The following PALM2AKAP2 variants were observed in gnomAD, a reference collection of about 807,000 sequenced individuals.
PALM2AKAP2 encodes PALM2-AKAP2 fusion protein.
Under a neutral mutation model 71.5 loss-of-function variants are expected in PALM2AKAP2, and 37 were observed. That is an observed-to-expected ratio of 0.52 (90% CI 0.40 to 0.68). The LOEUF (loss-of-function observed/expected upper bound fraction) is 0.68, where lower values mean the gene tolerates loss of function less well. Among genes scored for constraint, PALM2AKAP2 ranks in the 30% least tolerant of loss-of-function variants. The pLI is 0.00. For missense variants in PALM2AKAP2, 1,224 were observed against 1,191.8 expected, an observed-to-expected ratio of 1.03 and a Z score of -0.40; for synonymous variants, 468 against 478.8, an observed-to-expected ratio of 0.98 and a Z score of 0.29.
intron 1 of PALM2AKAP2, among the ~76,000 whole-genome samples, chr9:110,093,479 A>G (rs893880327): frequency 9.2e-5 from 14 of 152,224 alleles, no homozygotes; most frequent in Non-Finnish European, 1.8e-4. Context: ...CAATTGACCA[A>G]AAATTTAGCA....
chr9:109,874,408 C>T (rs947530223), intron 2 of PALM2AKAP2, among the ~76,000 whole-genome samples: 3 of 152,234 alleles, frequency 2.0e-5, no homozygotes, highest in African/African-American at 7.2e-5. Flanking sequence ...CCCAGATCTA[C>T]AGCTCACTCG....
At chr9:110,033,434 TC>T (rs1329642593) in intron 7 of PALM2AKAP2, among the ~76,000 whole-genome samples, 3 of 152,230 alleles carry the variant, frequency 2.0e-5, no homozygotes, top group Non-Finnish European at 2.9e-5. Flanking sequence ...CCTTTCTTTT[TC>T]CCAGTGTTTA....
chr9:110,145,335 C>G lies in PALM2AKAP2; in HGVS notation c.2569+6796C>G, dbSNP rs1836137621. 2.0e-5 allele frequency among the ~76,000 whole-genome samples: 3 copies of G among 152,148 alleles called. No homozygotes were observed. In the South Asian group the frequency reaches 6.2e-4, roughly 32 times the overall value. ...GGATAGCCAAGGGACTAACTTAGTC[C>G]ACATCAGCCATCTAGCCTAGCTGCT... On this transcript the variant is annotated intron_variant, in intron 2 of 3. Transcript: ENST00000374525.
intron 6 of PALM2AKAP2, among the ~76,000 whole-genome samples, chr9:110,003,578 A>G (rs1192415719): frequency 6.6e-6 from 1 of 151,998 alleles, no homozygotes; most frequent in African/African-American, 2.4e-5. Context: ...CAATTCCTGG[A>G]TATCCTTGTT....
chr9:110,040,169 T>C (rs1833486396), intron 7 of PALM2AKAP2, among the ~76,000 whole-genome samples: 1 of 152,150 alleles, frequency 6.6e-6, no homozygotes, highest in Non-Finnish European at 1.5e-5. Flanking sequence ...TATAAGCTAT[T>C]GTGGTTTCTA....
chr9:110,135,188 T>TATATATATATATATATAA lies in PALM2AKAP2; in HGVS notation c.157-938_157-937insTATATATATATATATAAA, dbSNP rs1484544851. ...AAATATATAAATATATATATATATATAAATCAGCCAGGGGTGATGGCACAC... is the reference window on the plus strand; with the variant it reads ...AAATATATAAATATATATATATATATATATATATATATATATAAAAATCAGCCAGGGGTGATGGCACAC... On this transcript the variant is annotated intron_variant, in intron 1 of 3. Transcript: ENST00000374525. Among the ~76,000 whole-genome samples, 103 of 93,486 alleles carry TATATATATATATATATAA rather than the reference T, an allele frequency of 1.1e-3. 1 individual carries two copies. Among genetic ancestry groups the TATATATATATATATATAA allele is most frequent in the African/African-American group, 4.5e-3 (100 of 22,464 alleles). 61.3% of individuals were successfully genotyped at this position (93,486 alleles called of 152,430 possible). A position where few individuals can be genotyped will look rare whatever the true frequency, so the allele number is the denominator to read the frequency against.
At chr9:109,685,692 G>A (rs1294321174) in intron 1 of PALM2AKAP2, among the ~76,000 whole-genome samples, 1 of 151,906 alleles carries the variant, frequency 6.6e-6, no homozygotes, top group Non-Finnish European at 1.5e-5. Flanking sequence ...TTTGGTGGTA[G>A]GGTCTTGCCT....
At chr9:109,783,331 T>A (rs1259925121) in intron 1 of PALM2AKAP2, among the ~76,000 whole-genome samples, 2 of 152,036 alleles carry the variant, frequency 1.3e-5, no homozygotes, top group African/African-American at 4.8e-5. Flanking sequence ...ACTTTTTTTT[T>A]TTTTTAGACA....
chr9:109,762,175 G>T lies in PALM2AKAP2; in HGVS notation c.6-18313G>T, dbSNP rs866665164. ...GGACAGAATTTTTTTTTTTTTAATG[G>T]TATTGTTTCATATAAACCTATGTAG... On this transcript the variant is annotated intron_variant, in intron 1 of 6. Transcript: ENST00000374531. Among the ~76,000 whole-genome samples, 7 of 151,074 alleles carry T rather than the reference G, an allele frequency of 4.6e-5. 1 individual carries two copies. The South Asian group carries it at 1.5e-3, about 32-fold the overall frequency.
chr9:109,838,234 T>C (rs1307969654), intron 1 of PALM2AKAP2, among the ~76,000 whole-genome samples: 1 of 152,078 alleles, frequency 6.6e-6, no homozygotes, highest in Admixed American at 6.6e-5. Context: ...CACTCAAAAC[T>C]GCACAACTAC....
At chr9:109,822,267 C>G (rs1428601491) in intron 1 of PALM2AKAP2, among the ~76,000 whole-genome samples, 1 of 113,660 alleles carries the variant, frequency 8.8e-6, no homozygotes, top group Non-Finnish European at 1.9e-5. Flanking sequence ...CCCCATCCAT[C>G]TATCCATCCA....
intron 6 of PALM2AKAP2, among the ~76,000 whole-genome samples, chr9:109,961,262 T>G (rs1248483550): frequency 6.6e-6 from 1 of 152,238 alleles, no homozygotes; most frequent in Non-Finnish European, 1.5e-5. Flanking sequence ...GTTGCAGGAA[T>G]CAGTTTATAC....
chr9:109,842,518 T>G (rs1325331812), intron 1 of PALM2AKAP2, among the ~76,000 whole-genome samples: 3 of 152,220 alleles, frequency 2.0e-5, no homozygotes, highest in African/African-American at 7.2e-5. Context: ...TTCAACAAAC[T>G]GAAGAAGTGG....
At chr9:109,923,838 G>A in exon 4 of PALM2AKAP2, 1 of 1,589,232 alleles carries the variant, frequency 6.3e-7, no homozygotes, top group Non-Finnish European at 8.5e-7. Flanking sequence ...ATCCTTCAAG[G>A]ACTTTCAGAA....
chr9:109,662,175 T>C lies in PALM2AKAP2; in HGVS notation c.5+21309T>C, dbSNP rs1827408000. On this transcript the variant is annotated intron_variant, in intron 1 of 6. Transcript: ENST00000374531. ...CCCTTTATTTCTTTCTCCTGCCTGA[T>C]TGCCCTGGCCAGAACTTCCAACACT... Among the ~76,000 whole-genome samples, 20 of 152,300 alleles carry C rather than the reference T, an allele frequency of 1.3e-4. No homozygotes were observed. The South Asian group carries it at 3.9e-3, about 30-fold the overall frequency.
chr9:109,695,387 A>G (rs182443121), intron 1 of PALM2AKAP2, among the ~76,000 whole-genome samples: 1 of 152,254 alleles, frequency 6.6e-6, no homozygotes, highest in African/African-American at 2.4e-5. Context: ...ACTGTTTTCT[A>G]TGGTGGCTGT....
At chr9:109,740,574 T>C (rs1401135949) in intron 1 of PALM2AKAP2, among the ~76,000 whole-genome samples, 2 of 151,882 alleles carry the variant, frequency 1.3e-5, no homozygotes, top group African/African-American at 2.4e-5. Context: ...GTGGAGTGAG[T>C]GAGGTCTGGA....
chr9:109,942,948 G>T (rs1831411333), intron 6 of PALM2AKAP2: 3 of 1,614,034 alleles, frequency 1.9e-6, no homozygotes, highest in Non-Finnish European at 2.5e-6. Context: ...TGTCTGAAAG[G>T]ACTGTGATTG....
chr9:110,159,453 C>T (rs1298956800), intron 3 of PALM2AKAP2, among the ~76,000 whole-genome samples: 4 of 152,114 alleles, frequency 2.6e-5, no homozygotes, highest in East Asian at 1.9e-4. Flanking sequence ...CAATGCCTGT[C>T]GCGTGATTAG....
Sources: gnomAD v4.1 joint callset for allele counts (sites outside exome capture counted in the v4.1 genomes callset) on GRCh38, gnomAD v4.1.1 for gene constraint, MANE v1.5 for transcripts, NCBI Gene and HGNC (gene_info 2026-07-23, HGNC 2026-07-21) for gene names.